The following SLC24A2 variants were observed in gnomAD, a reference collection of about 807,000 sequenced individuals.
SLC24A2 encodes the protein sodium/potassium/calcium exchanger 2.
A neutral mutation model predicts 62.0 loss-of-function variants in SLC24A2; 36 were observed. That is an observed-to-expected ratio of 0.58 (90% confidence interval 0.44 to 0.77). The LOEUF is 0.77. SLC24A2 is among the 30% of genes least tolerant of loss of function. The probability of loss-of-function intolerance (pLI) is 0.00; values close to 1 mark genes in which losing one functional copy is unlikely to be tolerated. For missense variants in SLC24A2, 846 were observed against 817.9 expected, an observed-to-expected ratio of 1.03 and a Z score of -0.42; for synonymous variants, 358 against 294.0, an observed-to-expected ratio of 1.22 and a Z score of -2.23.
the SLC24A2 span, among the ~76,000 whole-genome samples, chr9:19,829,161 G>A: frequency 1.3e-5 from 2 of 152,116 alleles, no homozygotes; most frequent in East Asian, 1.9e-4. Flanking sequence ...AACTCACGGG[G>A]TATGAGGGTT....
chr9:20,013,778 G>T, the SLC24A2 span, among the ~76,000 whole-genome samples: 2 of 152,104 alleles, frequency 1.3e-5, no homozygotes, highest in African/African-American at 2.4e-5. Flanking sequence ...GAGCAGAATA[G>T]AAAATTTTCA....
At chr9:20,033,061 A>T in the SLC24A2 span, among the ~76,000 whole-genome samples, 1 of 152,202 alleles carries the variant, frequency 6.6e-6, no homozygotes, top group African/African-American at 2.4e-5. Context: ...CCTGAAGTTC[A>T]TTCACGAACT....
intron 2 of SLC24A2, among the ~76,000 whole-genome samples, chr9:19,647,698 C>G (rs1313321505): frequency 6.6e-6 from 1 of 152,106 alleles, no homozygotes; most frequent in Non-Finnish European, 1.5e-5. Flanking sequence ...GGATGAGTAC[C>G]CAGTTAATCC....
the SLC24A2 span, among the ~76,000 whole-genome samples, chr9:20,224,968 T>G: frequency 6.6e-6 from 1 of 151,904 alleles, no homozygotes; most frequent in Admixed American, 6.6e-5. Context: ...AAATAAGAGG[T>G]ATGAAAGTCA....
At chr9:19,892,442 A>G in the SLC24A2 span, among the ~76,000 whole-genome samples, 1 of 152,162 alleles carries the variant, frequency 6.6e-6, no homozygotes, top group African/African-American at 2.4e-5. Flanking sequence ...CTTGTTCTTC[A>G]CAATATTCTT....
At chr9:20,174,757 G>A in the SLC24A2 span, among the ~76,000 whole-genome samples, 1 of 151,992 alleles carries the variant, frequency 6.6e-6, no homozygotes, top group African/African-American at 2.4e-5. Flanking sequence ...TTGTGGGAGT[G>A]TAAACTAGTA....
the SLC24A2 span, among the ~76,000 whole-genome samples, chr9:20,045,690 C>A: frequency 6.6e-6 from 1 of 152,066 alleles, no homozygotes; most frequent in African/African-American, 2.4e-5. Context: ...CTCGGCCTCC[C>A]AAAGAGCTGG....
chr9:19,598,836 G>A (rs1836772006), intron 4 of SLC24A2, among the ~76,000 whole-genome samples: 1 of 152,108 alleles, frequency 6.6e-6, no homozygotes, highest in African/African-American at 2.4e-5. Context: ...TAATATATGT[G>A]TTTGCATGTG....
chr9:19,829,628 G>A, the SLC24A2 span, among the ~76,000 whole-genome samples: 1 of 151,786 alleles, frequency 6.6e-6, no homozygotes, highest in Non-Finnish European at 1.5e-5. Flanking sequence ...CTATTCAGGA[G>A]GCTGTGGTGG....
At chr9:19,846,656 G>C in the SLC24A2 span, among the ~76,000 whole-genome samples, 3 of 152,114 alleles carry the variant, frequency 2.0e-5, no homozygotes, top group African/African-American at 7.2e-5. Context: ...GTTTTGTGTG[G>C]TTGCTTTATA....
At chr9:20,024,922 A>G in the SLC24A2 span, among the ~76,000 whole-genome samples, 1 of 152,240 alleles carries the variant, frequency 6.6e-6, no homozygotes, top group South Asian at 2.1e-4. Context: ...AACCATTGTA[A>G]TTCAGCCATC....
At chr9:20,281,701 T>C in the SLC24A2 span, among the ~76,000 whole-genome samples, 970 of 152,338 alleles carry the variant, frequency 6.4e-3, 5 homozygotes, top group Non-Finnish European at 0.01. Context: ...GAATATCTCA[T>C]AGTAGATCCA....
chr9:19,859,534 A>T, the SLC24A2 span, among the ~76,000 whole-genome samples: 1 of 152,192 alleles, frequency 6.6e-6, no homozygotes, highest in Non-Finnish European at 1.5e-5. Context: ...GTAGAGCAAG[A>T]TGATAAAATA....
the SLC24A2 span, among the ~76,000 whole-genome samples, chr9:19,950,426 CTT>C: frequency 6.6e-6 from 1 of 151,996 alleles, no homozygotes; most frequent in African/African-American, 2.4e-5. Flanking sequence ...AATAGAGAGA[CTT>C]TGTAACCACA....
chr9:19,936,544 G>T, the SLC24A2 span, among the ~76,000 whole-genome samples: 3 of 152,298 alleles, frequency 2.0e-5, no homozygotes, highest in East Asian at 5.8e-4. Flanking sequence ...AAAGTGCTAG[G>T]ATTACAGGCG....
intron 2 of SLC24A2, among the ~76,000 whole-genome samples, chr9:19,776,420 A>G (rs1293359905): frequency 6.6e-6 from 1 of 152,200 alleles, no homozygotes; most frequent in Non-Finnish European, 1.5e-5. Context: ...TGATGTAGTA[A>G]GTACCTGGTA....
At chr9:20,254,795 T>C in the SLC24A2 span, among the ~76,000 whole-genome samples, 1 of 152,136 alleles carries the variant, frequency 6.6e-6, no homozygotes, top group African/African-American at 2.4e-5. Flanking sequence ...GGATGATTTA[T>C]AAAGAAAAAG....
the SLC24A2 span, among the ~76,000 whole-genome samples, chr9:19,878,057 G>T: frequency 6.6e-6 from 1 of 152,152 alleles, no homozygotes; most frequent in African/African-American, 2.4e-5. Context: ...TTACCACCCT[G>T]TGCAGAGGCA....
the SLC24A2 span, among the ~76,000 whole-genome samples, chr9:20,047,036 T>G: frequency 5.5e-4 from 84 of 152,246 alleles, 1 homozygote; most frequent in East Asian, 0.016. Context: ...TATATAACTA[T>G]CTAGCTCTTT....
Sources: gnomAD v4.1 joint callset for allele counts (sites outside exome capture counted in the v4.1 genomes callset) on GRCh38, gnomAD v4.1.1 for gene constraint, MANE v1.5 for transcripts, NCBI Gene and HGNC (gene_info 2026-07-23, HGNC 2026-07-21) for gene names.